Variants in PLCB1 observed in about 807,000 individuals in gnomAD.
PLCB1 encodes 1-phosphatidylinositol 4,5-bisphosphate phosphodiesterase beta-1.
In PLCB1, 46 loss-of-function variants were observed where a neutral mutation model predicts 161.8. That is an observed-to-expected ratio of 0.28 (90% CI 0.22 to 0.36). PLCB1 has a LOEUF of 0.36. Among genes scored for constraint, PLCB1 ranks in the 10% least tolerant of loss-of-function variants. The probability of loss-of-function intolerance (pLI) is 1.00; values close to 1 mark genes in which losing one functional copy is unlikely to be tolerated. For synonymous variants in PLCB1, 517 were observed against 503.7 expected (o/e 1.03, Z -0.35); for missense variants, 1,016 against 1,472.5 (o/e 0.69, Z 5.07).
chr20:8,297,883 T>A (rs1040504165), intron 2 of PLCB1, among the ~76,000 whole-genome samples: 4 of 146,076 alleles, frequency 2.7e-5, no homozygotes, highest in African/African-American at 1.0e-4. Context: ...TTAGTAGATT[T>A]CTTTTTGGGT....
chr20:8,868,451 A>G (rs1189923428), intron 31 of PLCB1, among the ~76,000 whole-genome samples: 1 of 152,198 alleles, frequency 6.6e-6, no homozygotes, highest in Non-Finnish European at 1.5e-5. Flanking sequence ...TATTTTGTGA[A>G]AGCAACTTTG....
chr20:8,220,128 G>C (rs1218656193), intron 2 of PLCB1, among the ~76,000 whole-genome samples: 1 of 152,174 alleles, frequency 6.6e-6, no homozygotes, highest in African/African-American at 2.4e-5. Flanking sequence ...TCACTTAACT[G>C]AGTTTTGAAG....
intron 3 of PLCB1, among the ~76,000 whole-genome samples, chr20:8,616,176 G>T (rs1988036367): frequency 6.6e-6 from 1 of 152,144 alleles, no homozygotes. Flanking sequence ...CCATTTGGTG[G>T]CTTCCCCTTG....
chr20:8,264,792 T>G (rs1276147371), intron 2 of PLCB1, among the ~76,000 whole-genome samples: 3 of 152,114 alleles, frequency 2.0e-5, no homozygotes, highest in South Asian at 4.1e-4. Flanking sequence ...ATTAATGTGG[T>G]GTAAGTCAAT....
chr20:8,841,059 A>G (rs1454696792), intron 31 of PLCB1, among the ~76,000 whole-genome samples: 1 of 152,160 alleles, frequency 6.6e-6, no homozygotes, highest in Non-Finnish European at 1.5e-5. Flanking sequence ...GCTGGTCTCG[A>G]ACTCCTGACC....
At chr20:8,774,025 G>A (rs752758304) in intron 26 of PLCB1, among the ~76,000 whole-genome samples, 2 of 147,606 alleles carry the variant, frequency 1.4e-5, no homozygotes, top group African/African-American at 5.3e-5. Context: ...CAGCCAGGAG[G>A]GTTATCTGCA....
At chr20:8,740,196 C>G in intron 21 of PLCB1, 148 bp from the exon 22 acceptor site, 5 of 561,180 alleles carry the variant, frequency 8.9e-6, no homozygotes, top group Non-Finnish European at 3.1e-6. Flanking sequence ...AATGCCTTAT[C>G]ATTCATAAAT....
intron 31 of PLCB1, among the ~76,000 whole-genome samples, chr20:8,858,839 A>C (rs184269872): frequency 1.2e-4 from 18 of 149,638 alleles, no homozygotes; most frequent in African/African-American, 4.3e-4. Flanking sequence ...TTCAGTAGAC[A>C]AAGAAGGCCA....
intron 3 of PLCB1, among the ~76,000 whole-genome samples, chr20:8,403,604 T>C (rs959475818): frequency 2.6e-5 from 4 of 151,894 alleles, no homozygotes; most frequent in African/African-American, 4.8e-5. Context: ...AGAAACAAGA[T>C]AGCATGTGAG....
At chr20:8,802,372 T>C in intron 31 of PLCB1, 1 of 511,716 alleles carries the variant, frequency 2.0e-6, no homozygotes, top group South Asian at 3.4e-5. Flanking sequence ...AATTTCTCCA[T>C]CATTGTGCTC....
At chr20:8,247,436 A>G (rs1427383626) in intron 2 of PLCB1, among the ~76,000 whole-genome samples, 1 of 151,972 alleles carries the variant, frequency 6.6e-6, no homozygotes, top group African/African-American at 2.4e-5. Context: ...TAGAAATTTT[A>G]AATGGTTAAA....
intron 2 of PLCB1, among the ~76,000 whole-genome samples, chr20:8,241,846 G>T (rs1980628342): frequency 6.6e-6 from 1 of 151,950 alleles, no homozygotes; most frequent in African/African-American, 2.4e-5. Context: ...AGTCCCAAAA[G>T]GTGGCTGAGA....
At chr20:8,704,756 A>G (rs548693948) in intron 11 of PLCB1, among the ~76,000 whole-genome samples, 9 of 152,290 alleles carry the variant, frequency 5.9e-5, no homozygotes, top group South Asian at 4.1e-4. Context: ...AGAGTTATTA[A>G]AAGGAACTGG....
At chr20:8,215,206 C>T (rs1204240769) in intron 2 of PLCB1, among the ~76,000 whole-genome samples, 1 of 151,968 alleles carries the variant, frequency 6.6e-6, no homozygotes, top group African/African-American at 2.4e-5. Flanking sequence ...TTCCACCACA[C>T]TATAAATAAA....
chr20:8,345,415 T>G (rs1394304852), intron 2 of PLCB1, among the ~76,000 whole-genome samples: 5 of 152,160 alleles, frequency 3.3e-5, no homozygotes, highest in Non-Finnish European at 7.3e-5. Context: ...TGTTTAAAAA[T>G]AGTTTATTTT....
At chr20:8,654,566 A>G (rs1020005248) in intron 7 of PLCB1, among the ~76,000 whole-genome samples, 3 of 152,042 alleles carry the variant, frequency 2.0e-5, no homozygotes, top group African/African-American at 7.2e-5. Flanking sequence ...ATAAAAAATA[A>G]AGGAAAAGCT....
In PLCB1 at chr20:8,657,333, T is replaced by C. The variant is rs1477365135; in HGVS notation, c.695+49T>C. On this transcript the variant is annotated intron_variant, in intron 8 of 31. Transcript: ENST00000338037. ...TATCTTTTTCAGCTTGCATTGATTC[T>C]CAGGTGGCTAGAGCAGGACTTGGAG... 6.4e-6 allele frequency: 7 copies of C among 1,100,442 alleles called. 1 individual carries two copies. The South Asian group carries it at 8.7e-5, about 14-fold the overall frequency. 68.2% of individuals were successfully genotyped at this position (1,100,442 alleles called of 1,614,324 possible).
In PLCB1 at chr20:8,341,349, A is replaced by G. The variant is rs113041438; in HGVS notation, c.178-30033A>G. Among the ~76,000 whole-genome samples, 515 of 152,050 alleles carry G rather than the reference A, an allele frequency of 3.4e-3. 2 individuals carry two copies. The highest frequency in any genetic ancestry group is 0.012 in the African/African-American group (477 of 41,460). ...TCTCACCCCAACACACTCCATTATA[A>G]CTGTTGTCCGCTCCACTCTGCTGAA... On this transcript the variant is annotated intron_variant, in intron 2 of 31. Transcript: ENST00000338037.
At chr20:8,780,190 C>T (rs1012375364) in intron 27 of PLCB1, among the ~76,000 whole-genome samples, 27 of 152,226 alleles carry the variant, frequency 1.8e-4, no homozygotes, top group African/African-American at 5.1e-4. Context: ...TTTGGTGAGG[C>T]GTGGAAATTC....
Sources: gnomAD v4.1 joint callset for allele counts (sites outside exome capture counted in the v4.1 genomes callset) on GRCh38, gnomAD v4.1.1 for gene constraint, MANE v1.5 for transcripts, NCBI Gene and HGNC (gene_info 2026-07-23, HGNC 2026-07-21) for gene names.